SIRT2: variants seen among roughly 807,000 people sequenced by gnomAD.
SIRT2 encodes NAD-dependent protein deacetylase sirtuin-2.
In SIRT2, 40 loss-of-function variants were observed where a neutral mutation model predicts 57.4. The ratio of observed to expected loss-of-function variants is 0.70; its 90% CI spans 0.54 to 0.91. The LOEUF (loss-of-function observed/expected upper bound fraction) is 0.91, where lower values mean the gene tolerates loss of function less well. Among genes scored for constraint, SIRT2 ranks in the 40% least tolerant of loss-of-function variants. SIRT2 has a pLI of 0.00. For synonymous variants in SIRT2, 161 were observed against 195.7 expected, an observed-to-expected ratio of 0.82 and a Z score of 1.48; for missense variants, 439 against 510.4, an observed-to-expected ratio of 0.86 and a Z score of 1.35.
chr19:38,887,504 C>T (rs778835558), intron 8 of SIRT2, among the ~76,000 whole-genome samples: 4 of 152,000 alleles, frequency 2.6e-5, no homozygotes, highest in African/African-American at 9.7e-5. Flanking sequence ...TGGGCTCAAG[C>T]GATCTCCCAC....
chr19:38,893,755 C>T, intron 3 of SIRT2, 64 bp downstream of exon 3: 1 of 1,587,468 alleles, frequency 6.3e-7, no homozygotes, highest in Non-Finnish European at 8.6e-7. Flanking sequence ...TCACCCACAC[C>T]CCTGCCCTGA....
At chr19:38,892,940 C>T (rs1411720863) in intron 4 of SIRT2, among the ~76,000 whole-genome samples, 1 of 152,220 alleles carries the variant, frequency 6.6e-6, no homozygotes, top group Non-Finnish European at 1.5e-5. Context: ...TCATTATCCT[C>T]ATTTTATGAA....
intron 9 of SIRT2, 30 bp from the exon 10 acceptor site, chr19:38,881,521 G>C (rs1973154966): frequency 1.3e-6 from 2 of 1,598,716 alleles, no homozygotes; most frequent in Non-Finnish European, 1.7e-6. Flanking sequence ...AGAAAGAGAA[G>C]GCAGTAAGAG....
chr19:38,884,414 T>A (rs1185498053), intron 8 of SIRT2, among the ~76,000 whole-genome samples: 8 of 152,132 alleles, frequency 5.3e-5, no homozygotes, highest in Admixed American at 5.2e-4. Flanking sequence ...CATAAATGAA[T>A]CAGGAGGGCT....
intron 3 of SIRT2, 30 bp from the exon 4 acceptor site, chr19:38,893,557 G>A (rs369807249): frequency 1.3e-6 from 2 of 1,511,802 alleles, no homozygotes; most frequent in African/African-American, 2.7e-5. Flanking sequence ...ACAGCGGCAG[G>A]ACGGGCATTC....
At chr19:38,887,952 C>G (rs1364040057) in intron 8 of SIRT2, among the ~76,000 whole-genome samples, 1 of 151,938 alleles carries the variant, frequency 6.6e-6, no homozygotes, top group African/African-American at 2.4e-5. Context: ...GACCAGATTT[C>G]ATGATGTTGG....
chr19:38,887,726 T>C (rs189828636), intron 8 of SIRT2, among the ~76,000 whole-genome samples: 1 of 152,286 alleles, frequency 6.6e-6, no homozygotes, highest in Non-Finnish European at 1.5e-5. Flanking sequence ...GAACACTTAT[T>C]TATTTTCAAT....
chr19:38,893,809 A>G lies in SIRT2; in HGVS notation c.112+10T>C, dbSNP rs202206107. ...AACCCTGCTCCCTGTCCCTCCAGGA[A>G]GATACTCACTGTCTGCTTCTCCACC... is the stretch of plus-strand genomic sequence containing the variant. On this transcript the variant is annotated intron_variant, in intron 3 of 15. Coordinates refer to ENST00000249396, the MANE Select transcript of SIRT2 (RefSeq NM_012237.4). The G allele has an allele frequency of 5.6e-6, 9 of 1,614,040 alleles. No homozygotes were observed. Among genetic ancestry groups the G allele is most frequent in the African/African-American group, 5.3e-5 (4 of 75,044 alleles).
At position 38,881,125 on chromosome 19, in the gene SIRT2, G is replaced by A. The variant is rs201284980; in HGVS notation, c.722C>T (p.Ala241Val). The A allele has an allele frequency of 3.8e-5, 62 of 1,613,374 alleles. No individual in the cohort carries two copies. The East Asian group carries it at 7.6e-4, about 20-fold the overall frequency. ...DIVFFGESLP[A>V]RFFSCMQSDF... ...TGACTGCATACAGGAGAAGAAACGCGCTGGGAGGCTCTCACCAAAAAAGAC... is the reference window on the plus strand; with the variant it reads ...TGACTGCATACAGGAGAAGAAACGCACTGGGAGGCTCTCACCAAAAAAGAC... Residue 241 changes from alanine to valine, a missense_variant, in exon 11 of 16, where the codon GCG becomes GTG. By Grantham distance (64) the Ala-to-Val change is moderately conservative. Transcript: ENST00000249396.
intron 8 of SIRT2, among the ~76,000 whole-genome samples, chr19:38,887,160 A>G (rs1344615023): frequency 2.0e-5 from 3 of 152,034 alleles, no homozygotes; most frequent in Non-Finnish European, 4.4e-5. Flanking sequence ...TCCCGAACAC[A>G]TACACCGTTT....
At chr19:38,898,698 T>A in intron 1 of SIRT2, 1 of 339,284 alleles carries the variant, frequency 2.9e-6, no homozygotes. Flanking sequence ...TTGCCCAGGC[T>A]GGTCTTGAAC....
chr19:38,895,865 G>T (rs1600130504), intron 2 of SIRT2, among the ~76,000 whole-genome samples: 1 of 152,312 alleles, frequency 6.6e-6, no homozygotes, highest in South Asian at 2.1e-4. Context: ...GAGGTCAGGA[G>T]ATCGAGACCA....
At chr19:38,881,623 C>T in intron 9 of SIRT2, 132 bp from the exon 10 acceptor site, 1 of 700,748 alleles carries the variant, frequency 1.4e-6, no homozygotes, top group Non-Finnish European at 2.6e-6. Flanking sequence ...TGATGGGTGT[C>T]TCCTGAGGTG....
intron 10 of SIRT2, 66 bp downstream of exon 10, chr19:38,881,366 G>A: frequency 6.9e-7 from 1 of 1,457,148 alleles, no homozygotes; most frequent in Non-Finnish European, 9.6e-7. Context: ...CCTTTGGGAG[G>A]GGGTCAGGGG....
intron 10 of SIRT2, 103 bp downstream of exon 10, chr19:38,881,329 G>C: frequency 8.2e-7 from 1 of 1,220,966 alleles, no homozygotes; most frequent in Non-Finnish European, 1.2e-6. Flanking sequence ...CAGAGAGACA[G>C]AGGTGGCCAG....
chr19:38,884,024 A>T (rs1415046897), intron 8 of SIRT2, among the ~76,000 whole-genome samples: 3 of 148,186 alleles, frequency 2.0e-5, no homozygotes, highest in Non-Finnish European at 4.5e-5. Flanking sequence ...GCACTTTGGG[A>T]GGCTGAGGTG....
intron 9 of SIRT2, among the ~76,000 whole-genome samples, chr19:38,881,911 C>T (rs1177640191): frequency 6.6e-6 from 1 of 151,924 alleles, no homozygotes; most frequent in Non-Finnish European, 1.5e-5. Flanking sequence ...TGGTCTCAAA[C>T]TCCTGGGCTC....
At chr19:38,884,299 T>G (rs150750905) in intron 8 of SIRT2, among the ~76,000 whole-genome samples, 1 of 152,224 alleles carries the variant, frequency 6.6e-6, no homozygotes, top group East Asian at 1.9e-4. Context: ...GAAATTAACA[T>G]ACATTTACAA....
Position 38,878,917 on chromosome 19 carries a change from T to G in SIRT2, c.*238A>C. The G allele has an allele frequency of 2.0e-6, 1 of 493,804 alleles. No individual in the cohort carries two copies. Among genetic ancestry groups the G allele is most frequent in the Non-Finnish European group, 3.5e-6 (1 of 282,808 alleles). The allele number at this position is 493,804 out of a possible 1,614,324, so 30.6% of individuals were successfully genotyped here. ...GGTTACTCCTTAGCCCAGGAGTGGT[T>G]AGAGACAGTGGGGCTGGTAGAGATG... On this transcript the variant is annotated 3_prime_UTR_variant, in exon 16 of 16. Transcript: ENST00000249396.
Sources: gnomAD v4.1 joint callset for allele counts (sites outside exome capture counted in the v4.1 genomes callset) on GRCh38, gnomAD v4.1.1 for gene constraint, MANE v1.5 for transcripts, NCBI Gene and HGNC (gene_info 2026-07-23, HGNC 2026-07-21) for gene names.